Variants in NTM observed in about 807,000 individuals in gnomAD.
NTM encodes the protein IgLON family member 2.
In NTM, 13 loss-of-function variants were observed where a neutral mutation model predicts 42.1. The observed-to-expected ratio is 0.31, with a 90% CI of 0.20 to 0.49. NTM has a LOEUF of 0.49. Ranked by LOEUF, NTM falls within the 20% of genes least tolerant of loss-of-function variation. The pLI is 0.99. For missense variants in NTM, 373 were observed against 452.8 expected (o/e 0.82, Z 1.60); for synonymous variants, 187 against 179.2 (o/e 1.04, Z -0.35).
chr11:131,454,363 T>C (rs910028263), intron 1 of NTM, among the ~76,000 whole-genome samples: 5 of 152,214 alleles, frequency 3.3e-5, no homozygotes, highest in Non-Finnish European at 5.9e-5. Flanking sequence ...ACATCCCCCT[T>C]GAGTAAGGGG....
At chr11:131,611,435 T>G (rs1348788921) in intron 1 of NTM, among the ~76,000 whole-genome samples, 1 of 152,188 alleles carries the variant, frequency 6.6e-6, no homozygotes, top group African/African-American at 2.4e-5. Flanking sequence ...TGAACATGAA[T>G]GTGGTAATTA....
At chr11:131,653,345 TC>T (rs1327592772) in intron 1 of NTM, among the ~76,000 whole-genome samples, 1 of 152,146 alleles carries the variant, frequency 6.6e-6, no homozygotes, top group Non-Finnish European at 1.5e-5. Context: ...CTTCCTTGCT[TC>T]CAGGGGAGGA....
intron 1 of NTM, among the ~76,000 whole-genome samples, chr11:131,523,212 G>T (rs937947466): frequency 1.3e-5 from 2 of 152,200 alleles, no homozygotes; most frequent in African/African-American, 4.8e-5. Flanking sequence ...TTTGTTGAAT[G>T]AATGAGTGAA....
intron 1 of NTM, among the ~76,000 whole-genome samples, chr11:131,733,292 T>TGG (rs2079930390): frequency 6.6e-6 from 1 of 152,182 alleles, no homozygotes; most frequent in Non-Finnish European, 1.5e-5. Flanking sequence ...CCCATTAACA[T>TGG]GGCGTCCAAG....
intron 1 of NTM, 80 bp downstream of exon 1, chr11:131,370,968 G>C: frequency 6.3e-7 from 1 of 1,596,134 alleles, no homozygotes; most frequent in Non-Finnish European, 8.5e-7. Flanking sequence ...GACTCCCCGA[G>C]TCGGCTGTGC....
intron 2 of NTM, among the ~76,000 whole-genome samples, chr11:131,947,405 C>T (rs1027487194): frequency 1.4e-4 from 22 of 152,202 alleles, no homozygotes; most frequent in South Asian, 6.2e-4. Context: ...TCTAATTGTC[C>T]GGGAGTTCTG....
chr11:131,912,538 T>G (rs927980237), intron 2 of NTM, among the ~76,000 whole-genome samples: 1 of 152,230 alleles, frequency 6.6e-6, no homozygotes, highest in African/African-American at 2.4e-5. Flanking sequence ...ACCTCTCATA[T>G]GCGGGCAAAA....
chr11:131,796,072 C>A (rs763343784), intron 1 of NTM: 1 of 985,248 alleles, frequency 1.0e-6, no homozygotes, highest in Non-Finnish European at 1.2e-6. Flanking sequence ...AACAGGAAAG[C>A]GTAACTCACA....
At chr11:132,111,362 A>C (rs1217412754) in intron 2 of NTM, among the ~76,000 whole-genome samples, 1 of 152,102 alleles carries the variant, frequency 6.6e-6, no homozygotes, top group African/African-American at 2.4e-5. Context: ...CTATGTTTAA[A>C]AGTTTTAGAA....
chr11:131,410,655 A>G lies in NTM; in HGVS notation c.82+39767A>G, dbSNP rs114116148. ...TCTTTTTTTGTAATTATGTCGCCTT[A>G]ACGGAAGAATATATCCTTCAACTCT... On this transcript the variant is annotated intron_variant, in intron 1 of 8. Coordinates refer to ENST00000683400, the MANE Select transcript of NTM (RefSeq NM_001352005.2). Among the ~76,000 whole-genome samples, 1,331 of 152,004 alleles carry G rather than the reference A, an allele frequency of 8.8e-3. 25 individuals are homozygous for G. The highest frequency in any genetic ancestry group is 0.03 in the African/African-American group (1,233 of 41,482).
chr11:131,372,727 G>T (rs776512518), intron 1 of NTM, among the ~76,000 whole-genome samples: 77 of 152,054 alleles, frequency 5.1e-4, no homozygotes, highest in Non-Finnish European at 8.7e-4. Flanking sequence ...ACCATCAACA[G>T]CCCTGCTGGC....
chr11:131,515,068 T>A (rs1230164833), intron 1 of NTM, among the ~76,000 whole-genome samples: 1 of 152,148 alleles, frequency 6.6e-6, no homozygotes. Context: ...TGTGCCACTA[T>A]GCCTGGCTAA....
chr11:132,124,620 T>C (rs1355873800), intron 2 of NTM, among the ~76,000 whole-genome samples: 3 of 152,244 alleles, frequency 2.0e-5, no homozygotes, highest in South Asian at 2.1e-4. Flanking sequence ...CGTGTGTGTG[T>C]GTGCGCGCGC....
intron 3 of NTM, among the ~76,000 whole-genome samples, chr11:132,210,095 C>T (rs902293703): frequency 2.6e-5 from 4 of 152,168 alleles, no homozygotes; most frequent in Non-Finnish European, 4.4e-5. Flanking sequence ...ACTCTGACCT[C>T]GCAACAAGCA....
At chr11:132,258,214 G>C (rs115763539) in intron 4 of NTM, among the ~76,000 whole-genome samples, 1 of 152,202 alleles carries the variant, frequency 6.6e-6, no homozygotes. Flanking sequence ...TGGCAGAAAG[G>C]ACATAGGACT....
At chr11:131,702,084 C>T (rs2076133967) in intron 1 of NTM, among the ~76,000 whole-genome samples, 1 of 152,120 alleles carries the variant, frequency 6.6e-6, no homozygotes, top group Admixed American at 6.5e-5. Flanking sequence ...CCCAAACCGC[C>T]CTCAGACATG....
At chr11:131,660,859 A>T in intron 1 of NTM, 1 of 1,232,230 alleles carries the variant, frequency 8.1e-7, no homozygotes, top group Middle Eastern at 2.3e-4. Context: ...CAAAGTCGGA[A>T]GCTGGCCTTG....
At chr11:132,303,256 G>A (rs983811786) in intron 4 of NTM, among the ~76,000 whole-genome samples, 1 of 152,206 alleles carries the variant, frequency 6.6e-6, no homozygotes, top group Non-Finnish European at 1.5e-5. Flanking sequence ...TACAGTGCTG[G>A]AGGCTAGAAG....
At chr11:131,412,447 C>T (rs1257397454) in intron 1 of NTM, among the ~76,000 whole-genome samples, 1 of 152,180 alleles carries the variant, frequency 6.6e-6, no homozygotes, top group Non-Finnish European at 1.5e-5. Flanking sequence ...CAACCCAAAG[C>T]ATAGATTTGT....
Sources: gnomAD v4.1 joint callset for allele counts (sites outside exome capture counted in the v4.1 genomes callset) on GRCh38, gnomAD v4.1.1 for gene constraint, MANE v1.5 for transcripts, NCBI Gene and HGNC (gene_info 2026-07-23, HGNC 2026-07-21) for gene names.